KIF26B: variants seen among roughly 807,000 people sequenced by gnomAD.
The protein encoded by KIF26B is kinesin-like protein KIF26B.
KIF26B carries 63 observed loss-of-function variants against 151.2 expected under a neutral mutation model. That is an observed-to-expected ratio of 0.42 (90% CI 0.34 to 0.51). The LOEUF (loss-of-function observed/expected upper bound fraction) is 0.51. KIF26B is among the 20% of genes least tolerant of loss of function. KIF26B has a pLI of 0.07. For synonymous variants in KIF26B, 1,357 were observed against 1,262.1 expected (o/e 1.08, Z -1.59); for missense variants, 2,813 against 2,913.6 (o/e 0.97, Z 0.79).
chr1:245,437,772 C>T (rs142865273), intron 4 of KIF26B, among the ~76,000 whole-genome samples: 17 of 152,244 alleles, frequency 1.1e-4, no homozygotes, highest in East Asian at 1.9e-4. Context: ...AATTACATGC[C>T]GTTAATTCTT....
At chr1:245,682,769 G>A (rs957110349) in intron 10 of KIF26B, among the ~76,000 whole-genome samples, 15 of 152,248 alleles carry the variant, frequency 9.9e-5, no homozygotes, top group Non-Finnish European at 1.9e-4. Context: ...ATTGAAGACA[G>A]AGCCCAAGAC....
At chr1:245,461,861 C>A (rs971703649) in intron 4 of KIF26B, among the ~76,000 whole-genome samples, 4 of 152,182 alleles carry the variant, frequency 2.6e-5, no homozygotes, top group African/African-American at 9.7e-5. Context: ...TGCCAGTAAT[C>A]CCAGCCTTTA....
chr1:245,646,549 C>T (rs988373498), intron 10 of KIF26B, among the ~76,000 whole-genome samples: 1 of 152,106 alleles, frequency 6.6e-6, no homozygotes, highest in African/African-American at 2.4e-5. Flanking sequence ...GGTCTCCACT[C>T]GCAAATGAAG....
At chr1:245,652,042 G>A (rs2044021742) in intron 10 of KIF26B, among the ~76,000 whole-genome samples, 1 of 151,840 alleles carries the variant, frequency 6.6e-6, no homozygotes. Flanking sequence ...AAATGCAAAG[G>A]AGTATCAGTT....
intron 5 of KIF26B, among the ~76,000 whole-genome samples, chr1:245,575,164 C>CT (rs1010853186): frequency 6.6e-5 from 10 of 150,864 alleles, no homozygotes; most frequent in Non-Finnish European, 8.9e-5. Context: ...CGCGCCTGGC[C>CT]TTTTATATCT....
intron 12 of KIF26B, among the ~76,000 whole-genome samples, 156 bp downstream of exon 12, chr1:245,688,963 T>G (rs953161487): frequency 1.3e-5 from 2 of 151,472 alleles, no homozygotes. Flanking sequence ...ACTGCCAGGG[T>G]GTCCCGTGCC....
intron 5 of KIF26B, among the ~76,000 whole-genome samples, chr1:245,582,173 A>G (rs2043181258): frequency 6.6e-6 from 1 of 151,496 alleles, no homozygotes; most frequent in African/African-American, 2.4e-5. Context: ...TGTTTGCTGA[A>G]TGATGAGCAG....
At chr1:245,293,693 C>T (rs1196001513) in intron 2 of KIF26B, among the ~76,000 whole-genome samples, 1 of 151,832 alleles carries the variant, frequency 6.6e-6, no homozygotes, top group African/African-American at 2.4e-5. Context: ...ATTCTCCTGC[C>T]TTAGCCTCCT....
chr1:245,185,229 C>G (rs901313188), intron 2 of KIF26B, among the ~76,000 whole-genome samples: 5 of 152,030 alleles, frequency 3.3e-5, no homozygotes, highest in Non-Finnish European at 5.9e-5. Context: ...GCCTCTGCCC[C>G]CCGGGTTCCA....
chr1:245,333,005 A>G (rs755529631), intron 2 of KIF26B, among the ~76,000 whole-genome samples: 6 of 152,172 alleles, frequency 3.9e-5, no homozygotes, highest in Non-Finnish European at 7.3e-5. Flanking sequence ...GGTGGTGCCA[A>G]GGATTTATTG....
At chr1:245,311,803 G>A (rs755202660) in intron 2 of KIF26B, among the ~76,000 whole-genome samples, 206 of 151,726 alleles carry the variant, frequency 1.4e-3, no homozygotes, top group Non-Finnish European at 2.0e-3. Flanking sequence ...TGTGGCAGGC[G>A]CCTGTAATCT....
At chr1:245,328,625 C>G (rs921650582) in intron 2 of KIF26B, among the ~76,000 whole-genome samples, 34 of 152,132 alleles carry the variant, frequency 2.2e-4, no homozygotes, top group African/African-American at 8.0e-4. Flanking sequence ...TAGCAAAGAC[C>G]AGGGAATGTG....
At chr1:245,665,999 C>CTTTT (rs33957488) in intron 10 of KIF26B, among the ~76,000 whole-genome samples, 5,101 of 107,288 alleles carry the variant, frequency 0.048, 301 homozygotes, top group Non-Finnish European at 0.071. Context: ...ACATTATGTC[C>CTTTT]TTTTTTTTTT....
At chr1:245,184,050 G>GTTTTTTTTTTTTGT (rs1668956979) in intron 2 of KIF26B, among the ~76,000 whole-genome samples, 2 of 19,804 alleles carry the variant, frequency 1.0e-4, no homozygotes, top group Non-Finnish European at 2.0e-4. Flanking sequence ...GGGAGTTGTT[G>GTTTTTTTTTTTTGT]TTTTTTTTTT....
intron 4 of KIF26B, among the ~76,000 whole-genome samples, chr1:245,462,433 C>T (rs1659671841): frequency 6.6e-6 from 1 of 152,148 alleles, no homozygotes; most frequent in Non-Finnish European, 1.5e-5. Flanking sequence ...CTTCCTAGCG[C>T]ATTTAGACTG....
chr1:245,517,986 C>A (rs1252476609), intron 4 of KIF26B, among the ~76,000 whole-genome samples: 1 of 151,698 alleles, frequency 6.6e-6, no homozygotes, highest in Non-Finnish European at 1.5e-5. Context: ...AATCCTCTGC[C>A]TCAGTCTCCC....
intron 4 of KIF26B, among the ~76,000 whole-genome samples, chr1:245,424,537 G>A (rs958354320): frequency 6.6e-6 from 1 of 152,184 alleles, no homozygotes; most frequent in Non-Finnish European, 1.5e-5. Flanking sequence ...AGAACTGTGG[G>A]TGGAGGTCTG....
chr1:245,586,742 C>T (rs1340472041), intron 5 of KIF26B, among the ~76,000 whole-genome samples: 3 of 151,430 alleles, frequency 2.0e-5, no homozygotes, highest in Admixed American at 6.6e-5. Context: ...AAAAATTAGC[C>T]GGGCGCGGTG....
chr1:245,234,009 C>T (rs1670051907), intron 2 of KIF26B, among the ~76,000 whole-genome samples: 1 of 151,902 alleles, frequency 6.6e-6, no homozygotes, highest in African/African-American at 2.4e-5. Flanking sequence ...CGTGGTAAAA[C>T]CCTGTCTCTA....
Sources: gnomAD v4.1 joint callset for allele counts (sites outside exome capture counted in the v4.1 genomes callset) on GRCh38, gnomAD v4.1.1 for gene constraint, MANE v1.5 for transcripts, NCBI Gene and HGNC (gene_info 2026-07-23, HGNC 2026-07-21) for gene names.